SLC39A11: variants seen among roughly 807,000 people sequenced by gnomAD.
SLC39A11 encodes the protein zinc transporter ZIP11.
A neutral mutation model predicts 36.1 loss-of-function variants in SLC39A11; 33 were observed. The observed-to-expected ratio is 0.91, with a 90% confidence interval of 0.69 to 1.22. SLC39A11 has a LOEUF of 1.22. SLC39A11 is among the 50% of genes most tolerant of loss of function. The pLI, the probability that SLC39A11 is intolerant of heterozygous loss-of-function variation, is 0.00. For synonymous variants in SLC39A11, 166 were observed against 170.3 expected, an observed-to-expected ratio of 0.97 and a Z score of 0.20; for missense variants, 432 against 430.3, an observed-to-expected ratio of 1.00 and a Z score of -0.03.
At chr17:72,794,797 T>C (rs1598763238) in intron 6 of SLC39A11, among the ~76,000 whole-genome samples, 2 of 152,196 alleles carry the variant, frequency 1.3e-5, no homozygotes, top group East Asian at 3.9e-4. Context: ...GAATTAATTA[T>C]CTTTTGCTGT....
chr17:72,732,046 T>TC (rs2074248625), intron 7 of SLC39A11, among the ~76,000 whole-genome samples: 1 of 96,764 alleles, frequency 1.0e-5, no homozygotes, highest in Non-Finnish European at 2.2e-5. Context: ...TTTTCTTTTT[T>TC]TTTTTTTTTT....
At chr17:72,743,084 C>T (rs910934820) in intron 6 of SLC39A11, among the ~76,000 whole-genome samples, 1 of 152,158 alleles carries the variant, frequency 6.6e-6, no homozygotes, top group African/African-American at 2.4e-5. Flanking sequence ...TAGCTCACAG[C>T]CTGAGCTTGC....
At chr17:72,947,680 C>T (rs899368716) in intron 5 of SLC39A11, 72 bp downstream of exon 5, 2 of 1,607,376 alleles carry the variant, frequency 1.2e-6, no homozygotes, top group African/African-American at 2.7e-5. Context: ...ACCACCAGCC[C>T]CCACGTCCAT....
At chr17:72,791,201 T>C (rs1057113239) in intron 6 of SLC39A11, among the ~76,000 whole-genome samples, 5 of 152,174 alleles carry the variant, frequency 3.3e-5, no homozygotes, top group Non-Finnish European at 5.9e-5. Flanking sequence ...ATGCCTGGAT[T>C]CCCAACACTT....
intron 5 of SLC39A11, among the ~76,000 whole-genome samples, chr17:72,900,030 G>C (rs1457073350): frequency 2.0e-5 from 2 of 102,318 alleles, no homozygotes; most frequent in African/African-American, 4.3e-5. Context: ...AAGAGAGAGA[G>C]AGAGAAAGAG....
In SLC39A11 at chr17:72,965,037, G is replaced by A. The variant is rs149557282; in HGVS notation, c.307-17162C>T. ...AAACACTGCATGTTCTCACTCATAG[G>A]TGCGAATTGAACAATGAGAACACTT... On this transcript the variant is annotated intron_variant, in intron 4 of 9. Coordinates refer to ENST00000255559, the MANE Select transcript of SLC39A11 (RefSeq NM_139177.4). Among the ~76,000 whole-genome samples the A allele has an allele frequency of 5.4e-3, 814 of 151,906 alleles. 9 individuals carry two copies. Among genetic ancestry groups the A allele is most frequent in the African/African-American group, 0.018 (741 of 41,420 alleles).
Position 72,925,001 on chromosome 17 carries a change from C to CAAAA in SLC39A11, c.430+22747_430+22750dup, listed in dbSNP as rs933053304. ...TGGGTGACAGAGTGAGACTCCATTT[C>CAAAA]AAAAAAAAAAAAAAAAAAAAGCCAT... is the stretch of plus-strand genomic sequence containing the variant. On this transcript the variant is annotated intron_variant, in intron 5 of 9. Transcript: ENST00000255559. Among the ~76,000 whole-genome samples the CAAAA allele has an allele frequency of 1.0e-3, 70 of 68,916 alleles. 1 individual carries two copies. Among genetic ancestry groups the CAAAA allele is most frequent in the African/African-American group, 2.8e-3 (65 of 23,394 alleles). 45.2% of individuals were successfully genotyped at this position (68,916 alleles called of 152,430 possible).
intron 5 of SLC39A11, among the ~76,000 whole-genome samples, chr17:72,882,883 G>C (rs573954679): frequency 2.1e-5 from 3 of 144,988 alleles, no homozygotes; most frequent in Non-Finnish European, 4.5e-5. Context: ...CGCAACCTCT[G>C]TCTCCCAGGT....
intron 3 of SLC39A11, among the ~76,000 whole-genome samples, chr17:73,079,029 T>G (rs1442062182): frequency 3.3e-5 from 5 of 152,162 alleles, no homozygotes; most frequent in African/African-American, 1.2e-4. Context: ...TTGACTTGTA[T>G]TTCAATTCTA....
At chr17:72,953,861 C>G (rs2086049578) in intron 4 of SLC39A11, among the ~76,000 whole-genome samples, 1 of 152,160 alleles carries the variant, frequency 6.6e-6, no homozygotes, top group Non-Finnish European at 1.5e-5. Context: ...ACAAAGCAAC[C>G]TGTGATGATT....
At chr17:72,772,471 G>A (rs897836373) in intron 6 of SLC39A11, among the ~76,000 whole-genome samples, 14 of 152,118 alleles carry the variant, frequency 9.2e-5, no homozygotes, top group South Asian at 2.1e-4. Context: ...CTATCTCTCC[G>A]TTAATCCGGA....
chr17:72,840,104 T>C (rs1306162626), intron 6 of SLC39A11, among the ~76,000 whole-genome samples: 1 of 140,536 alleles, frequency 7.1e-6, no homozygotes, highest in African/African-American at 2.6e-5. Flanking sequence ...TTTTCATGTC[T>C]AAATTTGGGT....
chr17:72,868,802 T>C (rs2146337791), intron 5 of SLC39A11, among the ~76,000 whole-genome samples: 1 of 152,084 alleles, frequency 6.6e-6, no homozygotes, highest in Admixed American at 6.5e-5. Context: ...AATGAAACCC[T>C]GTCTCAAAAA....
intron 7 of SLC39A11, among the ~76,000 whole-genome samples, chr17:72,651,843 C>T (rs1033143401): frequency 1.3e-5 from 2 of 152,186 alleles, no homozygotes; most frequent in African/African-American, 4.8e-5. Context: ...CAAGAAGACA[C>T]CCCACCACAC....
chr17:72,708,144 T>G (rs1387031861), intron 7 of SLC39A11, among the ~76,000 whole-genome samples: 1 of 152,202 alleles, frequency 6.6e-6, no homozygotes, highest in Non-Finnish European at 1.5e-5. Context: ...ATGGTTAATT[T>G]TATGTGTCAA....
chr17:73,068,380 T>C (rs572691240), intron 3 of SLC39A11: 114 of 479,198 alleles, frequency 2.4e-4, no homozygotes, highest in Non-Finnish European at 3.9e-4. Flanking sequence ...CTCATAGATA[T>C]GGATCACCAA....
intron 6 of SLC39A11, among the ~76,000 whole-genome samples, chr17:72,753,372 C>T (rs2075229154): frequency 6.6e-6 from 1 of 152,124 alleles, no homozygotes; most frequent in African/African-American, 2.4e-5. Flanking sequence ...ACCTGCTTGG[C>T]CTTTCATTCA....
intron 6 of SLC39A11, among the ~76,000 whole-genome samples, chr17:72,829,075 G>T (rs1327574610): frequency 6.6e-6 from 1 of 152,222 alleles, no homozygotes; most frequent in Admixed American, 6.5e-5. Flanking sequence ...GCCTCAGCCA[G>T]GTGCGGCGGC....
At chr17:72,685,244 G>A (rs1030386365) in intron 7 of SLC39A11, among the ~76,000 whole-genome samples, 5 of 152,232 alleles carry the variant, frequency 3.3e-5, no homozygotes, top group African/African-American at 1.2e-4. Context: ...CCGATGCTAC[G>A]AAGGAGGCCA....
Sources: gnomAD v4.1 joint callset for allele counts (sites outside exome capture counted in the v4.1 genomes callset) on GRCh38, gnomAD v4.1.1 for gene constraint, MANE v1.5 for transcripts, NCBI Gene and HGNC (gene_info 2026-07-23, HGNC 2026-07-21) for gene names.